The following AKAP13 variants were observed in gnomAD, a reference collection of about 807,000 sequenced individuals.
The protein encoded by AKAP13 is A-kinase anchor protein 13.
In AKAP13, 80 loss-of-function variants were observed where a neutral mutation model predicts 264.5. The ratio of observed to expected loss-of-function variants is 0.30; its 90% CI spans 0.25 to 0.36. The LOEUF is 0.36. Among genes scored for constraint, AKAP13 ranks in the 10% least tolerant of loss-of-function variants. The pLI is 1.00. For synonymous variants in AKAP13, 1,380 were observed against 1,250.2 expected (o/e 1.10, Z -2.19); for missense variants, 3,712 against 3,435.2 (o/e 1.08, Z -2.01).
At chr15:85,692,022 C>G (rs1245162810) in intron 16 of AKAP13, among the ~76,000 whole-genome samples, 2 of 152,052 alleles carry the variant, frequency 1.3e-5, no homozygotes, top group Non-Finnish European at 2.9e-5. Flanking sequence ...GGAAGTGACC[C>G]TGTTGGTATC....
intron 3 of AKAP13, among the ~76,000 whole-genome samples, chr15:85,531,981 C>T (rs374660283): frequency 6.6e-6 from 1 of 152,318 alleles, no homozygotes; most frequent in East Asian, 1.9e-4. Flanking sequence ...TAGACCATGT[C>T]CTTTGGCATC....
At chr15:85,665,239 C>A (rs1361080997) in intron 13 of AKAP13, among the ~76,000 whole-genome samples, 1 of 152,100 alleles carries the variant, frequency 6.6e-6, no homozygotes, top group African/African-American at 2.4e-5. Context: ...CTACGTTAAT[C>A]TGCATAGATT....
intron 6 of AKAP13, 38 bp from the exon 7 acceptor site, chr15:85,578,892 C>G (rs1170127849): frequency 6.3e-7 from 1 of 1,583,360 alleles, no homozygotes; most frequent in South Asian, 1.1e-5. Flanking sequence ...TCTTCTCCTA[C>G]AGGCAGTTTT....
intron 3 of AKAP13, among the ~76,000 whole-genome samples, chr15:85,528,242 G>A (rs2077144202): frequency 6.6e-6 from 1 of 152,170 alleles, no homozygotes; most frequent in Non-Finnish European, 1.5e-5. Context: ...TAAAAAAGGT[G>A]CAGATTAGGT....
chr15:85,446,138 T>G (rs2073890668), intron 1 of AKAP13, among the ~76,000 whole-genome samples: 1 of 152,182 alleles, frequency 6.6e-6, no homozygotes, highest in African/African-American at 2.4e-5. Context: ...GGCTTTAATG[T>G]GAAGAAAGCA....
At chr15:85,426,231 G>A (rs1392158460) in intron 1 of AKAP13, among the ~76,000 whole-genome samples, 2 of 152,126 alleles carry the variant, frequency 1.3e-5, no homozygotes, top group African/African-American at 4.8e-5. Flanking sequence ...TAAATGTAAG[G>A]TGTCACTGTA....
At chr15:85,504,918 C>T (rs2076165241) in intron 2 of AKAP13, among the ~76,000 whole-genome samples, 1 of 151,858 alleles carries the variant, frequency 6.6e-6, no homozygotes. Flanking sequence ...ACCCTCTCCC[C>T]CTCTCCCCCT....
intron 5 of AKAP13, among the ~76,000 whole-genome samples, chr15:85,569,303 G>T (rs370290020): frequency 6.6e-6 from 1 of 152,080 alleles, no homozygotes; most frequent in East Asian, 1.9e-4. Flanking sequence ...GAAAGAAGAG[G>T]ACTGAATGCA....
rs753735063 is a variant in AKAP13, at chr15:85,744,679, CCTCTTCCT to C, written c.*7_*14del. On this transcript the variant is annotated 3_prime_UTR_variant, in exon 37 of 37. Coordinates refer to ENST00000394518, the MANE Select transcript of AKAP13 (RefSeq NM_007200.5). ...GAGGGTGAAGAGATCTTCTGCTGAC[CCTCTTCCT>C]CTCTGCTGAGGCAGCTGCCTCCTGA... 2 of 1,604,034 alleles carry C rather than the reference CCTCTTCCT, an allele frequency of 1.2e-6. No individual in the cohort carries two copies. Among genetic ancestry groups the C allele is most frequent in the Non-Finnish European group, 1.7e-6 (2 of 1,175,600 alleles).
chr15:85,534,181 A>G (rs141514591), intron 4 of AKAP13: 5 of 402,304 alleles, frequency 1.2e-5, no homozygotes, highest in African/African-American at 1.0e-4. Flanking sequence ...CATGCTCTTC[A>G]TGAGGAGAGT....
intron 1 of AKAP13, among the ~76,000 whole-genome samples, chr15:85,438,939 A>G (rs2073473999): frequency 6.9e-6 from 1 of 145,338 alleles, no homozygotes; most frequent in Admixed American, 6.9e-5. Flanking sequence ...CACCAAAAGC[A>G]ATGGCAACAA....
intron 1 of AKAP13, among the ~76,000 whole-genome samples, chr15:85,453,103 C>G (rs1247278179): frequency 6.6e-6 from 1 of 152,186 alleles, no homozygotes; most frequent in African/African-American, 2.4e-5. Flanking sequence ...CTGGCCTCCT[C>G]TCCTTGAGTT....
Position 85,407,645 on chromosome 15 carries a change from C to T in AKAP13, c.-12+26847C>T, listed in dbSNP as rs148557568. ...GATACACTGTGTGCAAAGAAACAGA[C>T]GTCAAAGAGCTTGGTGTGTTTGAAC... On this transcript the variant is annotated intron_variant, in intron 1 of 36. Coordinates refer to ENST00000394518, the MANE Select transcript of AKAP13 (RefSeq NM_007200.5). 2.0e-4 allele frequency among the ~76,000 whole-genome samples: 31 copies of T among 151,800 alleles called. No homozygotes were observed. The East Asian group carries it at 5.6e-3, about 27-fold the overall frequency.
intron 1 of AKAP13, among the ~76,000 whole-genome samples, chr15:85,434,439 C>T (rs1193939037): frequency 6.6e-6 from 1 of 152,210 alleles, no homozygotes; most frequent in African/African-American, 2.4e-5. Context: ...AACAAAGCAG[C>T]CGGGAAGCTC....
intron 23 of AKAP13, among the ~76,000 whole-genome samples, chr15:85,719,863 C>T (rs1019683606): frequency 1.3e-5 from 2 of 151,368 alleles, no homozygotes; most frequent in East Asian, 1.9e-4. Flanking sequence ...TGCAGTGAGC[C>T]GAGCTCATGC....
chr15:85,425,904 T>TA lies in AKAP13; in HGVS notation c.-12+45117dup, dbSNP rs772695478. Among the ~76,000 whole-genome samples the TA allele has an allele frequency of 9.6e-3, 1,404 of 145,644 alleles. 8 individuals are homozygous for TA. The highest frequency in any genetic ancestry group is 0.014 in the South Asian group (64 of 4,578). On this transcript the variant is annotated intron_variant, in intron 1 of 36. Transcript: ENST00000394518. ...AAGATACTCAGAAACAAGATCGGTTTAAAAAAAAAAAGAGTCATTATCAGA... is the reference window on the plus strand; with the variant it reads ...AAGATACTCAGAAACAAGATCGGTTTAAAAAAAAAAAAGAGTCATTATCAGA...
intron 17 of AKAP13, among the ~76,000 whole-genome samples, chr15:85,706,503 A>G (rs2151684839): frequency 6.6e-6 from 1 of 152,186 alleles, no homozygotes; most frequent in Non-Finnish European, 1.5e-5. Flanking sequence ...AGGCCTGTCA[A>G]GAAGGGACTA....
At chr15:85,738,681 A>T (rs1424286681) in intron 33 of AKAP13, among the ~76,000 whole-genome samples, 3 of 151,278 alleles carry the variant, frequency 2.0e-5, no homozygotes, top group Non-Finnish European at 4.4e-5. Flanking sequence ...TACTAAAAAT[A>T]CAAAAAATTA....
intron 1 of AKAP13, among the ~76,000 whole-genome samples, chr15:85,454,839 G>C (rs998756845): frequency 6.6e-6 from 1 of 152,152 alleles, no homozygotes; most frequent in Non-Finnish European, 1.5e-5. Context: ...ACTGTTTTGA[G>C]TTACTCACTG....
Sources: gnomAD v4.1 joint callset for allele counts (sites outside exome capture counted in the v4.1 genomes callset) on GRCh38, gnomAD v4.1.1 for gene constraint, MANE v1.5 for transcripts, NCBI Gene and HGNC (gene_info 2026-07-23, HGNC 2026-07-21) for gene names.